The following FAM149A variants were observed in gnomAD, a reference collection of about 807,000 sequenced individuals.
FAM149A encodes the protein family with sequence similarity 149 member A, also known as protein FAM149A.
FAM149A carries 71 observed loss-of-function variants against 78.2 expected under a neutral mutation model. That is an observed-to-expected ratio of 0.91 (90% CI 0.75 to 1.11). The LOEUF (loss-of-function observed/expected upper bound fraction) is 1.11, where lower values mean the gene tolerates loss of function less well. Among genes scored for constraint, FAM149A ranks in the 50% least tolerant of loss-of-function variants. The pLI is 0.00. For missense variants in FAM149A, 1,036 were observed against 971.0 expected, an observed-to-expected ratio of 1.07 and a Z score of -0.89; for synonymous variants, 446 against 410.5, an observed-to-expected ratio of 1.09 and a Z score of -1.04.
rs529289659 is a variant in FAM149A, at chr4:186,164,052, T to C, written c.1889+419T>C. Among the ~76,000 whole-genome samples, 5 of 152,236 alleles carry C rather than the reference T, an allele frequency of 3.3e-5. No homozygotes were observed. The highest frequency in any genetic ancestry group is 5.9e-5 in the Non-Finnish European group (4 of 68,046). ...ATCTTTAAGGATGCATTTTTCTCTA[T>C]GTGGGAGTTTCAGCAAAGCTGTTGA... On this transcript the variant is annotated intron_variant, in intron 10 of 13. Coordinates refer to ENST00000389354, the MANE Select transcript of FAM149A (RefSeq NM_001367768.3). The surrounding 1 kb of genome is among the most constrained non-coding windows in gnomAD (Gnocchi z 4.0).
chr4:186,120,231 A>G (rs1350301019), intron 1 of FAM149A, among the ~76,000 whole-genome samples: 1 of 152,194 alleles, frequency 6.6e-6, no homozygotes, highest in Non-Finnish European at 1.5e-5. Context: ...GCATACATAC[A>G]AGGCAGGAAT....
chr4:186,105,333 G>A lies in FAM149A; in HGVS notation c.257G>A (p.Arg86His), dbSNP rs969904459. ...TACTCCCGGGGCTCCGCCGCCAGCCGCGCCGCGGGAGCAGTGGGGACCCTG... is the reference window on the plus strand; with the variant it reads ...TACTCCCGGGGCTCCGCCGCCAGCCACGCCGCGGGAGCAGTGGGGACCCTG... Residue 86 changes from arginine (R) to histidine (H), a missense_variant, in exon 1 of 14, where the codon CGC (arginine) becomes CAC (histidine). By Grantham distance (29) the Arg-to-His change is conservative (BLOSUM62 0). Transcript: ENST00000389354. 3.4e-6 allele frequency: 4 copies of A among 1,169,072 alleles called. No homozygotes were observed. In the East Asian group the frequency reaches 3.5e-4, roughly 103 times the overall value. The allele number at this position is 1,169,072 out of a possible 1,614,324, so 72.4% of individuals were successfully genotyped here. A position where few individuals can be genotyped will look rare whatever the true frequency, so the allele number is the denominator to read the frequency against.
rs185196997 is a variant in FAM149A at position 186,169,303 on chromosome 4, A to G, written c.2218+2041A>G. Reference sequence around the variant, plus strand: ...AAAACACAAAAATCCACCAAGGACAACACAGCCAAGGCCCCTGATCTCACG... The same window carrying G: ...AAAACACAAAAATCCACCAAGGACAGCACAGCCAAGGCCCCTGATCTCACG... On this transcript the variant is annotated intron_variant, in intron 13 of 13. Transcript: ENST00000389354. 1.4e-4 allele frequency: 134 copies of G among 985,470 alleles called. No homozygotes were observed. The East Asian group carries it at 6.9e-3, about 51-fold the overall frequency. The allele number at this position is 985,470 out of a possible 1,614,324, so 61.0% of individuals were successfully genotyped here.
rs1734908184 is a variant in FAM149A, at chr4:186,164,929, T to G, written c.1890-415T>G. 6.6e-6 allele frequency among the ~76,000 whole-genome samples: 1 copy of G among 152,156 alleles called. No homozygotes were observed. The highest frequency in any genetic ancestry group is 1.5e-5 in the Non-Finnish European group (1 of 68,038). On this transcript the variant is annotated intron_variant, in intron 10 of 13. Coordinates refer to ENST00000389354, the MANE Select transcript of FAM149A (RefSeq NM_001367768.3). The surrounding 1 kb of genome is among the most constrained non-coding windows in gnomAD (Gnocchi z 4.0). Reference sequence around the variant, plus strand: ...TGGAATTGTAGTCCCACAGACAGCCTGTTTGTCTGTGTGCATAGCTGTGCT... The same window carrying G: ...TGGAATTGTAGTCCCACAGACAGCCGGTTTGTCTGTGTGCATAGCTGTGCT...
chr4:186,127,168 C>T (rs2099318666), intron 1 of FAM149A: 4 of 982,006 alleles, frequency 4.1e-6, no homozygotes, highest in Non-Finnish European at 4.8e-6. Context: ...GTACACCTCT[C>T]GCCAACTCCA....
Position 186,144,845 on chromosome 4 carries a change from A to G in FAM149A, c.567-4328A>G. The G allele has an allele frequency of 1.0e-6, 1 of 972,238 alleles. No individual in the cohort carries two copies. Among genetic ancestry groups the G allele is most frequent in the Non-Finnish European group, 1.2e-6 (1 of 826,068 alleles). The allele number at this position is 972,238 out of a possible 1,614,324, so 60.2% of individuals were successfully genotyped here. A position where few individuals can be genotyped will look rare whatever the true frequency, so the allele number is the denominator to read the frequency against. On this transcript the variant is annotated intron_variant, in intron 1 of 13. Coordinates refer to ENST00000389354, the MANE Select transcript of FAM149A (RefSeq NM_001367768.3). This position sits in a 1 kb window ranked among gnomAD's most constrained non-coding sequence, Gnocchi z 4.2. Reference sequence around the variant, plus strand: ...GGCGGCGCCGGCGCGGGCGGGGCGGAGGATCTGGAGAGGGAAGGGGCGTGC... The same window carrying G: ...GGCGGCGCCGGCGCGGGCGGGGCGGGGGATCTGGAGAGGGAAGGGGCGTGC...
chr4:186,149,698 A>T lies in FAM149A; in HGVS notation c.783A>T (p.Arg261Ser). The T allele has an allele frequency of 7.8e-7, 1 of 1,280,042 alleles. No individual in the cohort carries two copies. Among genetic ancestry groups the T allele is most frequent in the Non-Finnish European group, 1.0e-6 (1 of 985,594 alleles). The allele number at this position is 1,280,042 out of a possible 1,614,324, so 79.3% of individuals were successfully genotyped here. The stretch of plus-strand genomic sequence containing the variant: ...AGAGGGGCTCCGTTTATTCCTGGAG[A>T]GATGACGTATGTCTCAGAATATTTT... The change falls in exon 3 of 14, where the codon AGA becomes AGT. Residue 261 changes from arginine to serine, a missense_variant. Transcript: ENST00000389354.
At chr4:186,146,669 C>T (rs1409609532) in intron 1 of FAM149A, 2 of 706,090 alleles carry the variant, frequency 2.8e-6, no homozygotes, top group South Asian at 1.3e-4. Flanking sequence ...CCGTCTTGAG[C>T]AGAGCAGATG....
intron 1 of FAM149A, among the ~76,000 whole-genome samples, chr4:186,142,325 G>A (rs887726377): frequency 4.6e-5 from 7 of 152,254 alleles, no homozygotes; most frequent in South Asian, 2.1e-4. Context: ...GTCTTCAGAT[G>A]TAAAGGAAAT....
chr4:186,154,674 ATAATAT>A, intron 6 of FAM149A, 36 bp downstream of exon 6: 3 of 1,566,964 alleles, frequency 1.9e-6, no homozygotes, highest in Non-Finnish European at 2.6e-6. Flanking sequence ...ACCTCATAAA[ATAATAT>A]TAATTTATTT....
At chr4:186,107,098 T>C (rs2099309082) in intron 1 of FAM149A, among the ~76,000 whole-genome samples, 1 of 152,252 alleles carries the variant, frequency 6.6e-6, no homozygotes, top group Admixed American at 6.5e-5. Context: ...GGAATACATA[T>C]GCCTGAGGAA....
chr4:186,159,245 C>T (rs1421721625), intron 8 of FAM149A, among the ~76,000 whole-genome samples: 12 of 149,178 alleles, frequency 8.0e-5, no homozygotes, highest in African/African-American at 2.2e-4. Context: ...GTGAGGGTCG[C>T]GCAAAAAAAA....
chr4:186,129,461 G>A (rs182881352), intron 1 of FAM149A, among the ~76,000 whole-genome samples: 7 of 152,282 alleles, frequency 4.6e-5, no homozygotes, highest in Non-Finnish European at 8.8e-5. Context: ...ATCACACACC[G>A]TACAATATCT....
At chr4:186,169,932 TAAC>T (rs1407567572) in intron 13 of FAM149A, 6 of 985,286 alleles carry the variant, frequency 6.1e-6, no homozygotes, top group African/African-American at 1.7e-5. Context: ...TTTGCATCTG[TAAC>T]AACAAGCTAA....
rs1279704703 is a variant in FAM149A at position 186,146,943 on chromosome 4, T to A, written c.567-2230T>A. On this transcript the variant is annotated intron_variant, in intron 1 of 13. Transcript: ENST00000389354. ...CATCTTTTGTGTGACGAGTGTTATT[T>A]CAGGTGCTTAGCTTAAAAGATGAAT... 4 of 985,480 alleles carry A rather than the reference T, an allele frequency of 4.1e-6. No individual in the cohort carries two copies. In the East Asian group the frequency reaches 4.5e-4, roughly 112 times the overall value. 61.0% of individuals were successfully genotyped at this position (985,480 alleles called of 1,614,324 possible).
intron 13 of FAM149A, among the ~76,000 whole-genome samples, chr4:186,168,156 C>CTGTAGCATAGTGA (rs1022081204): frequency 3.9e-5 from 6 of 152,168 alleles, no homozygotes; most frequent in Non-Finnish European, 8.8e-5. Flanking sequence ...TCCTGTCGTC[C>CTGTAGCATAGTGA]TGTAGCATAG....
intron 8 of FAM149A, chr4:186,158,677 A>T: frequency 9.2e-7 from 1 of 1,087,896 alleles, no homozygotes; most frequent in Non-Finnish European, 1.1e-6. Flanking sequence ...CCCTGCACGC[A>T]CTGCTGCTCA....
intron 1 of FAM149A, chr4:186,132,296 T>C: frequency 1.2e-6 from 1 of 856,486 alleles, no homozygotes; most frequent in Non-Finnish European, 1.4e-6. Context: ...TGAAATTGAT[T>C]TAAAAGCTAC....
At chr4:186,121,154 A>G (rs2099315915) in intron 1 of FAM149A, among the ~76,000 whole-genome samples, 2 of 152,144 alleles carry the variant, frequency 1.3e-5, no homozygotes. Context: ...ATGATACCAA[A>G]TATATTTTAT....
Sources: allele counts gnomAD v4.1 joint callset (sites outside exome capture counted in the v4.1 genomes callset), GRCh38; gene constraint gnomAD v4.1.1; non-coding constraint Gnocchi (gnomAD v3.1); transcripts MANE v1.5; gene names NCBI Gene and HGNC (gene_info 2026-07-23, HGNC 2026-07-21).